IP6K2: variants seen among roughly 807,000 people sequenced by gnomAD.
IP6K2 encodes ATP:1D-myo-inositol-hexakisphosphate phosphotransferase.
A neutral mutation model predicts 43.3 loss-of-function variants in IP6K2; 9 were observed. The ratio of observed to expected loss-of-function variants is 0.21; its 90% CI spans 0.13 to 0.36. The LOEUF (loss-of-function observed/expected upper bound fraction) is 0.36, where lower values mean the gene tolerates loss of function less well. IP6K2 is among the 10% of genes least tolerant of loss of function. The probability of loss-of-function intolerance (pLI) is 1.00; values close to 1 mark genes in which losing one functional copy is unlikely to be tolerated. For synonymous variants in IP6K2, 209 were observed against 202.4 expected (o/e 1.03, Z -0.28); for missense variants, 332 against 538.4 (o/e 0.62, Z 3.79).
chr3:48,701,762 G>A (rs1319903376), intron 1 of IP6K2, among the ~76,000 whole-genome samples: 1 of 151,946 alleles, frequency 6.6e-6, no homozygotes, highest in East Asian at 1.9e-4. Flanking sequence ...GCTAGGCGTG[G>A]TGGCAGGCGC....
intron 2 of IP6K2, chr3:48,693,688 CAAAA>C (rs1409500236): frequency 9.2e-7 from 1 of 1,083,726 alleles, no homozygotes; most frequent in Non-Finnish European, 1.1e-6. Flanking sequence ...AAGGGGCAAA[CAAAA>C]CAAACCACAC....
intron 1 of IP6K2, chr3:48,715,203 T>G (rs2081058361): frequency 9.5e-7 from 1 of 1,052,440 alleles, no homozygotes; most frequent in South Asian, 1.3e-5. Flanking sequence ...TGTATAAGAG[T>G]GTGTTCAATT....
chr3:48,694,025 C>CATTAAAAAAA, intron 2 of IP6K2: 1 of 1,417,186 alleles, frequency 7.1e-7, no homozygotes, highest in East Asian at 2.7e-5. Flanking sequence ...TCCCAGGCCT[C>CATTAAAAAAA]TCTGCCCCAG....
intron 3 of IP6K2, among the ~76,000 whole-genome samples, chr3:48,692,695 A>C (rs1289329966): frequency 1.3e-5 from 2 of 152,346 alleles, no homozygotes; most frequent in East Asian, 3.9e-4. Context: ...TCCAGAACAC[A>C]GCCTAGCACA....
chr3:48,710,092 C>T (rs1217606343), intron 1 of IP6K2, among the ~76,000 whole-genome samples: 2 of 152,128 alleles, frequency 1.3e-5, no homozygotes, highest in Non-Finnish European at 2.9e-5. Context: ...CAATCAAGAT[C>T]GCACGCATTT....
At chr3:48,693,338 G>A (rs540030826) in intron 2 of IP6K2, 159 bp from the exon 3 acceptor site, 1 of 1,101,488 alleles carries the variant, frequency 9.1e-7, no homozygotes, top group East Asian at 2.4e-5. Context: ...TATCAAAACA[G>A]CTAGAAAAGA....
chr3:48,690,216 T>C (rs2077645619), intron 4 of IP6K2, among the ~76,000 whole-genome samples: 1 of 152,232 alleles, frequency 6.6e-6, no homozygotes, highest in Non-Finnish European at 1.5e-5. Flanking sequence ...GCACAGACCA[T>C]TGACTCATTA....
At chr3:48,699,948 G>A (rs1036549416) in intron 1 of IP6K2, among the ~76,000 whole-genome samples, 2 of 152,138 alleles carry the variant, frequency 1.3e-5, no homozygotes, top group East Asian at 3.9e-4. Context: ...CTAGCACTTT[G>A]GGAGGCCAAG....
At chr3:48,694,015 T>C (rs1246796189) in intron 2 of IP6K2, 1 of 1,397,140 alleles carries the variant, frequency 7.2e-7, no homozygotes, top group Non-Finnish European at 9.3e-7. Context: ...ACACCTTTCC[T>C]CCCAGGCCTC....
At chr3:48,716,662 C>G (rs1264853071) in intron 1 of IP6K2, among the ~76,000 whole-genome samples, 1 of 152,180 alleles carries the variant, frequency 6.6e-6, no homozygotes, top group Non-Finnish European at 1.5e-5. Flanking sequence ...ATTCAACACT[C>G]AAAATGGCTG....
chr3:48,695,228 A>G lies in IP6K2; in HGVS notation c.64T>C (p.Phe22Leu). The G allele has an allele frequency of 6.3e-7, 1 of 1,576,820 alleles. No individual in the cohort carries two copies. Among genetic ancestry groups the G allele is most frequent in the Non-Finnish European group, 8.7e-7 (1 of 1,155,184 alleles). Residue 22 changes from phenylalanine (F) to leucine (L), a missense_variant, in exon 2 of 6, where the codon TTT becomes CTT. Transcript: ENST00000328631. The surrounding 1 kb of genome is among the most constrained non-coding windows in gnomAD (Gnocchi z 4.6). ...GAGTGCCCCCCGACCTGGTGGACAA[A>G]GGGCTCCAGAAGGACGCCTTTGGCG... is the stretch of plus-strand genomic sequence containing the variant. ...PRAKGVLLEP[F>L]VHQVGGHSCV... is the part of the protein sequence containing the mutation.
chr3:48,702,728 C>CTTACTTGTCTTGT (rs1559541346), intron 1 of IP6K2, among the ~76,000 whole-genome samples: 1 of 152,152 alleles, frequency 6.6e-6, no homozygotes, highest in African/African-American at 2.4e-5. Flanking sequence ...ACATACTCTA[C>CTTACTTGTCTTGT]GTTTCTTACT....
chr3:48,690,359 G>A (rs769265422), intron 4 of IP6K2, among the ~76,000 whole-genome samples: 7 of 152,226 alleles, frequency 4.6e-5, no homozygotes, highest in Non-Finnish European at 8.8e-5. Context: ...TAAAAGGCTA[G>A]GCGTGGTGGC....
Position 48,688,570 on chromosome 3 carries a change from T to A in IP6K2, c.984A>T (p.Ser328=). Residue 328 remains serine, a synonymous_variant, in exon 6 of 6, where the codon TCA becomes TCT. Transcript: ENST00000328631. The surrounding 1 kb of genome is among the most constrained non-coding windows in gnomAD (Gnocchi z 5.1). ...CATCATAAATGACCAGCAGGGAGCT[T>A]GAGTAGAAGCGGTAGGACTCCTGTC... ...LERQESYRFY[S]SSLLVIYDGK... is the part of the protein sequence containing the mutation. 13 of 1,614,174 alleles carry A rather than the reference T, an allele frequency of 8.1e-6. No individual in the cohort carries two copies. Among genetic ancestry groups the A allele is most frequent in the Non-Finnish European group, 1.1e-5 (13 of 1,180,036 alleles).
intron 1 of IP6K2, among the ~76,000 whole-genome samples, chr3:48,714,046 G>A (rs1185330693): frequency 6.6e-6 from 1 of 152,198 alleles, no homozygotes; most frequent in African/African-American, 2.4e-5. Context: ...GAACCTGAGA[G>A]GCGAAGGTTG....
intron 1 of IP6K2, among the ~76,000 whole-genome samples, chr3:48,698,523 G>A (rs1022435695): frequency 1.3e-5 from 2 of 152,154 alleles, no homozygotes; most frequent in African/African-American, 4.8e-5. Flanking sequence ...AGGCTGGAGT[G>A]CAGTGGCGCG....
At chr3:48,715,057 G>A (rs1428940412) in intron 1 of IP6K2, among the ~76,000 whole-genome samples, 2 of 152,026 alleles carry the variant, frequency 1.3e-5, no homozygotes, top group East Asian at 1.9e-4. Context: ...CTTGCCACCA[G>A]AATATACTGT....
chr3:48,713,132 C>T (rs917935379), intron 1 of IP6K2, among the ~76,000 whole-genome samples: 3 of 152,182 alleles, frequency 2.0e-5, no homozygotes, highest in African/African-American at 7.2e-5. Flanking sequence ...TTCATACTTG[C>T]AAAGCAAAAA....
At chr3:48,710,702 C>T (rs1169571805) in intron 1 of IP6K2, among the ~76,000 whole-genome samples, 1 of 152,026 alleles carries the variant, frequency 6.6e-6, no homozygotes, top group Non-Finnish European at 1.5e-5. Context: ...CTCTGCCTCC[C>T]GGGTTCACGC....
Sources: gnomAD v4.1 joint callset for allele counts (sites outside exome capture counted in the v4.1 genomes callset) on GRCh38, gnomAD v4.1.1 for gene constraint, Gnocchi (gnomAD v3.1) non-coding constraint, MANE v1.5 for transcripts, NCBI Gene and HGNC (gene_info 2026-07-23, HGNC 2026-07-21) for gene names.